Variants in RFX7 observed in about 807,000 individuals in gnomAD.
RFX7 encodes the protein regulatory factor X7.
A neutral mutation model predicts 111.8 loss-of-function variants in RFX7; 26 were observed. The ratio of observed to expected loss-of-function variants is 0.23; its 90% confidence interval spans 0.17 to 0.32. The LOEUF (loss-of-function observed/expected upper bound fraction) is 0.32, where lower values mean the gene tolerates loss of function less well. Ranked by LOEUF, RFX7 falls within the 10% of genes least tolerant of loss-of-function variation. RFX7 has a pLI of 1.00. For missense variants in RFX7, 1,573 were observed against 1,772.9 expected (o/e 0.89, Z 2.02); for synonymous variants, 624 against 624.4 (o/e 1.00, Z 0.01).
chr15:56,101,304 T>C, intron 8 of RFX7, 55 bp downstream of exon 8: 2 of 1,414,820 alleles, frequency 1.4e-6, no homozygotes, highest in Non-Finnish European at 2.0e-6. Context: ...TGCTACCAAT[T>C]CTAAATACAA....
intron 3 of RFX7, among the ~76,000 whole-genome samples, chr15:56,172,670 A>G (rs2042858064): frequency 6.6e-6 from 1 of 152,202 alleles, no homozygotes; most frequent in Non-Finnish European, 1.5e-5. Flanking sequence ...GCAACTTCCT[A>G]TTTTCTCAGA....
rs995237679 is a variant in RFX7 at position 56,088,611 on chromosome 15, A to G, written c.*4734T>C. On this transcript the variant is annotated 3_prime_UTR_variant, in exon 10 of 10. Transcript: ENST00000559447. ...TAAAATTTCAGATGATGCAATATTA[A>G]TAAGTGATCCCATCCATAAATTTAT... 5 of 151,868 alleles carry G rather than the reference A, an allele frequency of 3.3e-5. No homozygotes were observed. Among genetic ancestry groups the G allele is most frequent in the South Asian group, 2.1e-4 (1 of 4,826 alleles). The allele number at this position is 151,868 out of a possible 1,614,324, so 9.4% of individuals were successfully genotyped here.
intron 5 of RFX7, among the ~76,000 whole-genome samples, chr15:56,142,364 A>G (rs1030624907): frequency 6.6e-6 from 1 of 152,206 alleles, no homozygotes; most frequent in African/African-American, 2.4e-5. Flanking sequence ...TTTTAGATTC[A>G]TGAAAAGGGC....
chr15:56,096,248 A>C lies in RFX7; in HGVS notation c.1480T>G (p.Ser494Ala). Reference protein sequence around the residue: ...NSNTPLKHSASVSSATGTTEE... With the variant: ...NSNTPLKHSAAVSSATGTTEE... ...GTTGTTCCTGTAGCACTGCTGACTG[A>C]GGCAGAATGTTTAAGAGGGGTGTTA... The change falls in exon 10 of 10, where the codon TCA (serine) becomes GCA (alanine). Residue 494 changes from serine (S) to alanine (A), a missense_variant. Ser to Ala is a moderately conservative substitution (Grantham distance 99). Transcript: ENST00000559447. 1 of 1,613,956 alleles carries C rather than the reference A, an allele frequency of 6.2e-7. No homozygotes were observed. The highest frequency in any genetic ancestry group is 8.5e-7 in the Non-Finnish European group (1 of 1,179,870).
In RFX7 at chr15:56,142,830, C is replaced by A; in HGVS notation, c.349G>T (p.Glu117Ter). 1 of 1,613,570 alleles carries A rather than the reference C, an allele frequency of 6.2e-7. No individual in the cohort carries two copies. The highest frequency in any genetic ancestry group is 8.5e-7 in the Non-Finnish European group (1 of 1,179,714). ...GGCAGTGAAGTCTCCGGATGTTCCT[C>A]TAGGGTATTCCGAATCCAGGAAAAG... ...HAFSWIRNTL[E>*]EHPETSLPKQ... Residue 117 changes from glutamate (E) to a stop codon, truncating the protein, a stop_gained, in exon 5 of 10, where the codon GAG becomes TAG. Coordinates refer to ENST00000559447, the MANE Select transcript of RFX7 (RefSeq NM_022841.7). LOFTEE classifies it high-confidence loss of function.
chr15:56,118,907 A>G (rs1310102424), intron 5 of RFX7, among the ~76,000 whole-genome samples: 1 of 151,480 alleles, frequency 6.6e-6, no homozygotes, highest in African/African-American at 2.5e-5. Context: ...GTGAGACTAT[A>G]TATTGTTGTT....
At position 56,136,514 on chromosome 15, in the gene RFX7, G is replaced by C. The variant is rs1446361755; in HGVS notation, c.401+6264C>G. ...TTGCTTATCAGCTTAAGGAGATTTT[G>C]GGCTGAGACAATGGGGTTTTCTAGA... On this transcript the variant is annotated intron_variant, in intron 5 of 9. Transcript: ENST00000559447. 2.2e-5 allele frequency among the ~76,000 whole-genome samples: 3 copies of C among 136,966 alleles called. No individual in the cohort carries two copies. In the East Asian group the frequency reaches 6.4e-4, roughly 29 times the overall value. The allele number at this position is 136,966 out of a possible 152,430, so 89.9% of individuals were successfully genotyped here. A position where few individuals can be genotyped will look rare whatever the true frequency, so the allele number is the denominator to read the frequency against.
intron 5 of RFX7, among the ~76,000 whole-genome samples, chr15:56,108,124 G>C (rs1258415379): frequency 6.6e-6 from 1 of 152,104 alleles, no homozygotes; most frequent in Non-Finnish European, 1.5e-5. Context: ...TTCTACCAGA[G>C]GTACAAAGAG....
rs187959502 is a variant in RFX7, at chr15:56,159,369, G to C, written c.196-14886C>G. Among the ~76,000 whole-genome samples the C allele has an allele frequency of 2.6e-4, 39 of 152,236 alleles. 1 individual carries two copies. The East Asian group carries it at 7.5e-3, about 29-fold the overall frequency. The stretch of plus-strand genomic sequence containing the variant: ...TTCGCCTGGTAATCTCCACTAACTT[G>C]GTTGGAATACCACAAGAGCAAGAGT... On this transcript the variant is annotated intron_variant, in intron 3 of 9. Transcript: ENST00000559447.
At chr15:56,144,974 T>C (rs1460461171) in intron 3 of RFX7, among the ~76,000 whole-genome samples, 1 of 152,204 alleles carries the variant, frequency 6.6e-6, no homozygotes, top group Non-Finnish European at 1.5e-5. Context: ...TGACTGATGG[T>C]GCTACTGTTA....
chr15:56,135,654 CA>C (rs1293767319), intron 5 of RFX7, among the ~76,000 whole-genome samples: 1 of 152,034 alleles, frequency 6.6e-6, no homozygotes, highest in Non-Finnish European at 1.5e-5. Context: ...CTTTTGTTGC[CA>C]TTGCTTTTGC....
intron 3 of RFX7, among the ~76,000 whole-genome samples, chr15:56,178,200 C>T (rs1425878479): frequency 1.4e-5 from 2 of 146,246 alleles, no homozygotes; most frequent in Non-Finnish European, 3.0e-5. Flanking sequence ...CACACACACA[C>T]ACACACACAC....
chr15:56,129,202 C>A (rs2042181739), intron 5 of RFX7, among the ~76,000 whole-genome samples: 1 of 151,930 alleles, frequency 6.6e-6, no homozygotes, highest in Non-Finnish European at 1.5e-5. Flanking sequence ...ATGGTGAAAC[C>A]CATCCCTATA....
At chr15:56,193,751 TA>T (rs1157495370) in intron 2 of RFX7, among the ~76,000 whole-genome samples, 1 of 152,130 alleles carries the variant, frequency 6.6e-6, no homozygotes, top group Non-Finnish European at 1.5e-5. Flanking sequence ...ATAAAGCAGA[TA>T]AAAATTTAAG....
chr15:56,144,438 G>A lies in RFX7; in HGVS notation c.241C>T (p.Leu81Phe). The change falls in exon 4 of 10, where the codon CTT (leucine) becomes TTT (phenylalanine). Residue 81 changes from leucine to phenylalanine, a missense_variant. Transcript: ENST00000559447. ...TTGCTGAGACCAGAAGGCAGCTGAA[G>A]GTAGAGGTAGAGTTTCTCTAGGTCT... ...FTDLEKLYLY[L>F]QLPSGLSNGE... The A allele has an allele frequency of 7.3e-7, 1 of 1,365,918 alleles. No individual in the cohort carries two copies. The highest frequency in any genetic ancestry group is 9.8e-7 in the Non-Finnish European group (1 of 1,020,430). 84.6% of individuals were successfully genotyped at this position (1,365,918 alleles called of 1,614,324 possible). A position where few individuals can be genotyped will look rare whatever the true frequency, so the allele number is the denominator to read the frequency against.
chr15:56,134,848 A>G (rs1186984860), intron 5 of RFX7, among the ~76,000 whole-genome samples: 1 of 152,030 alleles, frequency 6.6e-6, no homozygotes, highest in East Asian at 1.9e-4. Context: ...CCCACCTATG[A>G]GTGAGAATAT....
intron 5 of RFX7, among the ~76,000 whole-genome samples, chr15:56,128,622 A>C (rs571132466): frequency 2.8e-4 from 42 of 152,300 alleles, no homozygotes; most frequent in African/African-American, 8.9e-4. Context: ...AAAGACTGAA[A>C]GCTTTCCTCT....
intron 5 of RFX7, among the ~76,000 whole-genome samples, chr15:56,137,865 A>G (rs1172305907): frequency 6.2e-4 from 94 of 151,908 alleles, no homozygotes; most frequent in Non-Finnish European, 3.8e-4. Context: ...CCTTCATTTC[A>G]TTATGTACCC....
intron 5 of RFX7, among the ~76,000 whole-genome samples, chr15:56,115,890 C>T (rs904143387): frequency 4.0e-5 from 6 of 150,666 alleles, no homozygotes; most frequent in African/African-American, 4.9e-5. Flanking sequence ...TGCAGTGAGC[C>T]GAGATCGTGC....
Sources: allele counts gnomAD v4.1 joint callset (sites outside exome capture counted in the v4.1 genomes callset), GRCh38; gene constraint gnomAD v4.1.1; transcripts MANE v1.5; gene names NCBI Gene and HGNC (gene_info 2026-07-23, HGNC 2026-07-21).